The following KIAA1549L variants were observed in gnomAD, a reference collection of about 807,000 sequenced individuals.
KIAA1549L encodes the protein KIAA1549 like, also known as UPF0606 protein KIAA1549L.
KIAA1549L carries 88 observed loss-of-function variants against 160.7 expected under a neutral mutation model. The ratio of observed to expected loss-of-function variants is 0.55; its 90% CI spans 0.46 to 0.65. The LOEUF is 0.65. Ranked by LOEUF, KIAA1549L falls within the 30% of genes least tolerant of loss-of-function variation. The probability of loss-of-function intolerance (pLI) is 0.00; values close to 1 mark genes in which losing one functional copy is unlikely to be tolerated. For missense variants in KIAA1549L, 2,258 were observed against 2,437.5 expected (o/e 0.93, Z 1.55); for synonymous variants, 950 against 976.7 (o/e 0.97, Z 0.51).
chr11:33,595,860 A>G (rs1019937594), intron 12 of KIAA1549L, among the ~76,000 whole-genome samples: 16 of 152,154 alleles, frequency 1.1e-4, no homozygotes, highest in Non-Finnish European at 7.4e-5. Flanking sequence ...CTCAATTTTT[A>G]TGAATTATTT....
At chr11:33,434,122 T>C (rs771213032) in intron 1 of KIAA1549L, among the ~76,000 whole-genome samples, 4 of 152,084 alleles carry the variant, frequency 2.6e-5, no homozygotes, top group Non-Finnish European at 4.4e-5. Flanking sequence ...AGAAGGATTC[T>C]TTAGGTAGTT....
intron 12 of KIAA1549L, 66 bp downstream of exon 12, chr11:33,591,487 G>T: frequency 1.5e-6 from 2 of 1,301,136 alleles, no homozygotes; most frequent in Non-Finnish European, 2.1e-6. Context: ...GAGAAAAGCT[G>T]ATGCCCTCAA....
chr11:33,493,186 T>C (rs1565157849), intron 1 of KIAA1549L, among the ~76,000 whole-genome samples: 1 of 152,076 alleles, frequency 6.6e-6, no homozygotes, highest in South Asian at 2.1e-4. Context: ...AAAGCATGCA[T>C]TGGAAACTTA....
chr11:33,477,549 A>C (rs1852317643), intron 1 of KIAA1549L, among the ~76,000 whole-genome samples: 1 of 146,640 alleles, frequency 6.8e-6, no homozygotes, highest in African/African-American at 2.6e-5. Context: ...ACACGACACT[A>C]CCCCCCTTTG....
chr11:33,608,266 G>A (rs922959803), intron 14 of KIAA1549L, among the ~76,000 whole-genome samples: 4 of 152,186 alleles, frequency 2.6e-5, no homozygotes, highest in Non-Finnish European at 5.9e-5. Context: ...AAATTACTTA[G>A]ACTAGTGCCT....
rs900358463 is a variant in KIAA1549L, at chr11:33,627,244, G to A, written c.5409+8582G>A. Among the ~76,000 whole-genome samples the A allele has an allele frequency of 2.2e-4, 32 of 147,814 alleles. 1 individual carries two copies. The East Asian group carries it at 3.0e-3, about 14-fold the overall frequency. On this transcript the variant is annotated intron_variant, in intron 16 of 20. Coordinates refer to ENST00000658780, the MANE Select transcript of KIAA1549L (RefSeq NM_012194.3). ...TTTTTTGGTTGTGTCTCTGCCCGGC[G>A]TTGGTATCAGGATGATGCTGGCCTC...
intron 11 of KIAA1549L, among the ~76,000 whole-genome samples, chr11:33,589,214 T>C (rs898306375): frequency 2.6e-5 from 4 of 152,090 alleles, no homozygotes; most frequent in Non-Finnish European, 4.4e-5. Flanking sequence ...CAATGAGATA[T>C]CATCTCACAC....
intron 15 of KIAA1549L, among the ~76,000 whole-genome samples, chr11:33,613,168 A>C (rs2133336161): frequency 6.6e-6 from 1 of 152,324 alleles, no homozygotes; most frequent in Middle Eastern, 3.4e-3. Flanking sequence ...TAGCTCTTTA[A>C]GGAATTGCCA....
intron 12 of KIAA1549L, among the ~76,000 whole-genome samples, chr11:33,595,192 A>G (rs1352676127): frequency 3.9e-5 from 6 of 152,210 alleles, no homozygotes; most frequent in Admixed American, 3.9e-4. Flanking sequence ...GAAGATGATA[A>G]CACATATATT....
At chr11:33,434,546 G>T (rs1178365825) in intron 1 of KIAA1549L, among the ~76,000 whole-genome samples, 1 of 152,164 alleles carries the variant, frequency 6.6e-6, no homozygotes, top group Non-Finnish European at 1.5e-5. Context: ...TGGCCCAAGT[G>T]CAGAGCAGCT....
At chr11:33,422,221 T>A (rs1851027655) in intron 1 of KIAA1549L, among the ~76,000 whole-genome samples, 1 of 152,166 alleles carries the variant, frequency 6.6e-6, no homozygotes. Context: ...TTGGAATCCC[T>A]GGGAGTGGGG....
chr11:33,556,223 T>C (rs994323370), intron 6 of KIAA1549L, among the ~76,000 whole-genome samples: 3 of 152,222 alleles, frequency 2.0e-5, no homozygotes, highest in African/African-American at 4.8e-5. Flanking sequence ...TGTCAAATAG[T>C]GCATCCCCCG....
chr11:33,585,822 C>A (rs1014821154), intron 11 of KIAA1549L, among the ~76,000 whole-genome samples: 5 of 152,220 alleles, frequency 3.3e-5, no homozygotes, highest in African/African-American at 1.2e-4. Context: ...CCTTCTGCGT[C>A]CTACTCTGTA....
At chr11:33,554,618 T>G (rs1854584313) in intron 6 of KIAA1549L, among the ~76,000 whole-genome samples, 2 of 152,216 alleles carry the variant, frequency 1.3e-5, no homozygotes, top group Non-Finnish European at 2.9e-5. Context: ...GGAACCAAAG[T>G]GCCTTTCCTG....
Position 33,638,445 on chromosome 11 carries a change from T to A in KIAA1549L, c.5410-7241T>A, listed in dbSNP as rs1343354684. Among the ~76,000 whole-genome samples the A allele has an allele frequency of 7.6e-3, 152 of 19,870 alleles. 1 individual carries two copies. The highest frequency in any genetic ancestry group is 0.042 in the Admixed American group (112 of 2,644). 13.0% of individuals were successfully genotyped at this position (19,870 alleles called of 152,430 possible). On this transcript the variant is annotated intron_variant, in intron 16 of 20. Transcript: ENST00000658780. Reference sequence around the variant, plus strand: ...AATAAAAAAAAAAAAAATAAATAAATAAATAAATAAATAAAATACTCATCT... The same window carrying A: ...AATAAAAAAAAAAAAAATAAATAAAAAAATAAATAAATAAAATACTCATCT...
At chr11:33,496,071 T>A (rs1434745167) in intron 1 of KIAA1549L, among the ~76,000 whole-genome samples, 1 of 152,016 alleles carries the variant, frequency 6.6e-6, no homozygotes, top group Non-Finnish European at 1.5e-5. Flanking sequence ...CAAGCAGTTA[T>A]CCCTGCCTCA....
At chr11:33,459,015 T>G (rs1404849650) in intron 1 of KIAA1549L, among the ~76,000 whole-genome samples, 1 of 152,234 alleles carries the variant, frequency 6.6e-6, no homozygotes. Flanking sequence ...TGTTTATTAC[T>G]TACACTGCTT....
chr11:33,399,580 A>G (rs913698157), intron 1 of KIAA1549L, among the ~76,000 whole-genome samples: 2 of 152,192 alleles, frequency 1.3e-5, no homozygotes, highest in Admixed American at 6.5e-5. Context: ...GGCATCTCCC[A>G]TGGTGGAATG....
intron 11 of KIAA1549L, among the ~76,000 whole-genome samples, chr11:33,584,431 AC>A (rs1855745328): frequency 6.6e-6 from 1 of 152,114 alleles, no homozygotes; most frequent in African/African-American, 2.4e-5. Context: ...GGCCCCATCC[AC>A]CCACTGCGGC....
Sources: gnomAD v4.1 joint callset for allele counts (sites outside exome capture counted in the v4.1 genomes callset) on GRCh38, gnomAD v4.1.1 for gene constraint, MANE v1.5 for transcripts, NCBI Gene and HGNC (gene_info 2026-07-23, HGNC 2026-07-21) for gene names.